The following PRNP variants were observed in gnomAD, a reference collection of about 807,000 sequenced individuals.
The protein encoded by PRNP is prion protein (Kanno blood group).
PRNP carries 15 observed loss-of-function variants against 21.3 expected under a neutral mutation model. The observed-to-expected ratio is 0.71, with a 90% CI of 0.47 to 1.09. The LOEUF (loss-of-function observed/expected upper bound fraction) is 1.09. Ranked by LOEUF, PRNP falls within the 50% of genes least tolerant of loss-of-function variation. The pLI is 0.00. For synonymous variants in PRNP, 121 were observed against 123.1 expected (o/e 0.98, Z 0.11); for missense variants, 285 against 340.9 (o/e 0.84, Z 1.29).
At chr20:4,696,650 T>A (rs1158679380) in intron 1 of PRNP, among the ~76,000 whole-genome samples, 1 of 152,210 alleles carries the variant, frequency 6.6e-6, no homozygotes, top group Non-Finnish European at 1.5e-5. Context: ...CCCATGACAA[T>A]GGATGTCCCT....
In PRNP at chr20:4,701,357, G is replaced by C. The variant is rs2122235403; in HGVS notation, c.*1375G>C. ...GTGTCTAATGCATTAACTTTTGTAAGGTACTGAATACTTAATATGTGGGAA... is the reference window on the plus strand; with the variant it reads ...GTGTCTAATGCATTAACTTTTGTAACGTACTGAATACTTAATATGTGGGAA... On this transcript the variant is annotated 3_prime_UTR_variant, in exon 2 of 2. Coordinates refer to ENST00000379440, the MANE Select transcript of PRNP (RefSeq NM_000311.5). The surrounding 1 kb of genome is among the most constrained non-coding windows in gnomAD (Gnocchi z 4.2). The C allele has an allele frequency of 1.2e-5, 2 of 167,108 alleles. No individual in the cohort carries two copies. The highest frequency in any genetic ancestry group is 3.9e-4 in the East Asian group (2 of 5,186). 10.4% of individuals were successfully genotyped at this position (167,108 alleles called of 1,614,324 possible).
Position 4,700,330 on chromosome 20 carries a change from ACC to A in PRNP, c.*349_*350del, listed in dbSNP as rs1922525788. ...CAGTCTGAAATACCTTTGCCTGGAT[ACC>A]TCTGGCTCCTTCAGCAGCTAGAGCT... On this transcript the variant is annotated 3_prime_UTR_variant, in exon 2 of 2. Transcript: ENST00000379440. This position sits in a 1 kb window ranked among gnomAD's most constrained non-coding sequence, Gnocchi z 4.1. 2.1e-6 allele frequency: 1 copy of A among 465,168 alleles called. No homozygotes were observed. The allele number at this position is 465,168 out of a possible 1,614,324, so 28.8% of individuals were successfully genotyped here. A position where few individuals can be genotyped will look rare whatever the true frequency, so the allele number is the denominator to read the frequency against.
rs780030584 is a variant in PRNP, at chr20:4,699,321, G to T, written c.101G>T (p.Gly34Val). Residue 34 changes from glycine (G) to valine (V), a missense_variant, in exon 2 of 2, where the codon GGG (glycine) becomes GTG (valine). By Grantham distance (109) the Gly-to-Val change is moderately radical. Coordinates refer to ENST00000379440, the MANE Select transcript of PRNP (RefSeq NM_000311.5). This position sits in a 1 kb window ranked among gnomAD's most constrained non-coding sequence, Gnocchi z 5.8. ...KRPKPGGWNT[G>V]GSRYPGQGSP... ...CCGAAGCCTGGAGGATGGAACACTG[G>T]GGGCAGCCGATACCCGGGGCAGGGC... 1 of 1,614,100 alleles carries T rather than the reference G, an allele frequency of 6.2e-7. No homozygotes were observed. The highest frequency in any genetic ancestry group is 8.5e-7 in the Non-Finnish European group (1 of 1,180,042).
At chr20:4,689,492 A>G (rs1419041636) in intron 1 of PRNP, among the ~76,000 whole-genome samples, 1 of 152,230 alleles carries the variant, frequency 6.6e-6, no homozygotes, top group Non-Finnish European at 1.5e-5. Flanking sequence ...ATGTAATCAA[A>G]TAACAATAAT....
In PRNP at chr20:4,701,336, C is replaced by T. The variant is rs1922596555; in HGVS notation, c.*1354C>T. 1 of 166,960 alleles carries T rather than the reference C, an allele frequency of 6.0e-6. No individual in the cohort carries two copies. The highest frequency in any genetic ancestry group is 2.4e-5 in the African/African-American group (1 of 41,408). The allele number at this position is 166,960 out of a possible 1,614,324, so 10.3% of individuals were successfully genotyped here. On this transcript the variant is annotated 3_prime_UTR_variant, in exon 2 of 2. Transcript: ENST00000379440. This position sits in a 1 kb window ranked among gnomAD's most constrained non-coding sequence, Gnocchi z 4.2. ...TTAGAGCAGTTAACATCTGAAGTGT[C>T]TAATGCATTAACTTTTGTAAGGTAC...
At position 4,700,066 on chromosome 20, in the gene PRNP, G is replaced by A. The variant is rs1441676725; in HGVS notation, c.*84G>A. The stretch of plus-strand genomic sequence containing the variant: ...ATCCACCTGCAGCCCTTTTAGTGGT[G>A]GTGTCTCACTCTTTCTTCTCTCTTT... On this transcript the variant is annotated 3_prime_UTR_variant, in exon 2 of 2. Transcript: ENST00000379440. This position sits in a 1 kb window ranked among gnomAD's most constrained non-coding sequence, Gnocchi z 4.1. 2 of 1,551,486 alleles carry A rather than the reference G, an allele frequency of 1.3e-6. No homozygotes were observed. Among genetic ancestry groups the A allele is most frequent in the East Asian group, 2.4e-5 (1 of 40,918 alleles).
rs1164873988 is a variant in PRNP, at chr20:4,701,464, C to A, written c.*1482C>A. On this transcript the variant is annotated 3_prime_UTR_variant, in exon 2 of 2. Transcript: ENST00000379440. This position sits in a 1 kb window ranked among gnomAD's most constrained non-coding sequence, Gnocchi z 4.2. ...TCCAAAGTGGACACCATTAACAGGT[C>A]TTTGAAATATGCATGTACTTTATAT... 1 of 167,036 alleles carries A rather than the reference C, an allele frequency of 6.0e-6. No individual in the cohort carries two copies. Among genetic ancestry groups the A allele is most frequent in the African/African-American group, 2.4e-5 (1 of 41,430 alleles). The allele number at this position is 167,036 out of a possible 1,614,324, so 10.3% of individuals were successfully genotyped here.
intron 1 of PRNP, among the ~76,000 whole-genome samples, chr20:4,698,776 G>C (rs1344002023): frequency 6.6e-6 from 1 of 152,098 alleles, no homozygotes; most frequent in East Asian, 1.9e-4. Context: ...TTTTACTATT[G>C]TCATAGGTCT....
intron 1 of PRNP, among the ~76,000 whole-genome samples, chr20:4,690,886 A>C (rs1365492639): frequency 6.6e-6 from 1 of 152,202 alleles, no homozygotes; most frequent in African/African-American, 2.4e-5. Context: ...AATTGTTCCT[A>C]TTTGGAGACG....
In PRNP at chr20:4,697,513, T is replaced by TCA. The variant is rs1364776937; in HGVS notation, c.-10-1698_-10-1697insCA. Among the ~76,000 whole-genome samples, 8 of 152,178 alleles carry TCA rather than the reference T, an allele frequency of 5.3e-5. No individual in the cohort carries two copies. Among genetic ancestry groups the TCA allele is most frequent in the Non-Finnish European group, 4.4e-5 (3 of 68,036 alleles). On this transcript the variant is annotated intron_variant, in intron 1 of 1. Transcript: ENST00000379440. This position sits in a 1 kb window ranked among gnomAD's most constrained non-coding sequence, Gnocchi z 4.6. ...ATGGGAACAGCCCCACTGAGCAAACTTTAGCCACATGAGTAGCTGGAAGAA... is the reference window on the plus strand; with the variant it reads ...ATGGGAACAGCCCCACTGAGCAAACTCATTAGCCACATGAGTAGCTGGAAGAA...
chr20:4,687,225 C>A (rs1259257703), intron 1 of PRNP, among the ~76,000 whole-genome samples: 4 of 152,124 alleles, frequency 2.6e-5, no homozygotes, highest in African/African-American at 4.8e-5. Context: ...AAGCGGCCCA[C>A]GCGGACTGAC....
chr20:4,690,392 G>A lies in PRNP; in HGVS notation c.-11+3880G>A, dbSNP rs560272655. 6.0e-4 allele frequency among the ~76,000 whole-genome samples: 91 copies of A among 152,244 alleles called. 4 individuals are homozygous for A. Among genetic ancestry groups the A allele is most frequent in the Non-Finnish European group, 5.7e-4 (39 of 68,004 alleles). ...ACACCTTGGACTCTTACAACCTTGG[G>A]ATAAGTTCTTACTAGCTCTGACTCT... On this transcript the variant is annotated intron_variant, in intron 1 of 1. Transcript: ENST00000379440.
intron 1 of PRNP, among the ~76,000 whole-genome samples, chr20:4,689,555 A>G (rs896826939): frequency 5.9e-5 from 9 of 152,220 alleles, no homozygotes; most frequent in Non-Finnish European, 1.0e-4. Context: ...CTGTCAACCA[A>G]CTAGCCAAAC....
intron 1 of PRNP, among the ~76,000 whole-genome samples, chr20:4,691,862 T>C (rs142015567): frequency 6.6e-6 from 1 of 152,344 alleles, no homozygotes; most frequent in African/African-American, 2.4e-5. Context: ...TAAGACTTGT[T>C]TTATGGCCTA....
chr20:4,699,857 A>T lies in PRNP; in HGVS notation c.637A>T (p.Met213Leu). The change falls in exon 2 of 2, where the codon ATG becomes TTG. Residue 213 changes from methionine to leucine, a missense_variant. By Grantham distance (15) the Met-to-Leu change is conservative. Transcript: ENST00000379440. This position sits in a 1 kb window ranked among gnomAD's most constrained non-coding sequence, Gnocchi z 5.8. ...VKMMERVVEQ[M>L]CITQYERESQ... ...GATGATGGAGCGCGTGGTTGAGCAG[A>T]TGTGTATCACCCAGTACGAGAGGGA... 6.2e-7 allele frequency: 1 copy of T among 1,613,572 alleles called. No homozygotes were observed. The highest frequency in any genetic ancestry group is 2.2e-5 in the East Asian group (1 of 44,812).
In PRNP at chr20:4,700,880, T is replaced by G. The variant is rs577436093; in HGVS notation, c.*898T>G. 6.0e-6 allele frequency: 1 copy of G among 166,994 alleles called. No homozygotes were observed. Among genetic ancestry groups the G allele is most frequent in the African/African-American group, 2.4e-5 (1 of 41,570 alleles). The allele number at this position is 166,994 out of a possible 1,614,324, so 10.3% of individuals were successfully genotyped here. A position where few individuals can be genotyped will look rare whatever the true frequency, so the allele number is the denominator to read the frequency against. ...CCATTTACCTGGAAACCAGAATGAT[T>G]TTGACATACAGGAGAGCTGCAGTTG... On this transcript the variant is annotated 3_prime_UTR_variant, in exon 2 of 2. Coordinates refer to ENST00000379440, the MANE Select transcript of PRNP (RefSeq NM_000311.5). This position sits in a 1 kb window ranked among gnomAD's most constrained non-coding sequence, Gnocchi z 4.1.
intron 1 of PRNP, among the ~76,000 whole-genome samples, chr20:4,688,434 G>C (rs1355229145): frequency 6.6e-6 from 1 of 152,150 alleles, no homozygotes; most frequent in African/African-American, 2.4e-5. Flanking sequence ...TGAGTTATTG[G>C]GGGCATTTCG....
chr20:4,691,268 A>G (rs928322177), intron 1 of PRNP, among the ~76,000 whole-genome samples: 2 of 152,204 alleles, frequency 1.3e-5, no homozygotes, highest in African/African-American at 4.8e-5. Context: ...CTATCAAAAT[A>G]CCAATGACAT....
chr20:4,690,285 C>T (rs763543568), intron 1 of PRNP, among the ~76,000 whole-genome samples: 3 of 152,108 alleles, frequency 2.0e-5, no homozygotes, highest in Non-Finnish European at 2.9e-5. Context: ...TGCCCCTTCC[C>T]GATGTAACTA....
Sources: gnomAD v4.1 joint callset for allele counts (sites outside exome capture counted in the v4.1 genomes callset) on GRCh38, gnomAD v4.1.1 for gene constraint, Gnocchi (gnomAD v3.1) non-coding constraint, MANE v1.5 for transcripts, NCBI Gene and HGNC (gene_info 2026-07-23, HGNC 2026-07-21) for gene names.